The following SHISA6 variants were observed in gnomAD, a reference collection of about 807,000 sequenced individuals.
The protein encoded by SHISA6 is protein shisa-6.
In SHISA6, 22 loss-of-function variants were observed where a neutral mutation model predicts 47.9. The ratio of observed to expected loss-of-function variants is 0.46; its 90% CI spans 0.33 to 0.66. The LOEUF is 0.66. SHISA6 is among the 30% of genes least tolerant of loss of function. SHISA6 has a pLI of 0.02. For synonymous variants in SHISA6, 388 were observed against 337.8 expected (o/e 1.15, Z -1.63); for missense variants, 680 against 764.6 (o/e 0.89, Z 1.30).
chr17:11,370,485 C>G (rs374034464), intron 2 of SHISA6, among the ~76,000 whole-genome samples: 1 of 152,084 alleles, frequency 6.6e-6, no homozygotes, highest in Non-Finnish European at 1.5e-5. Flanking sequence ...AAATCCAAAC[C>G]AACAAAATGA....
At chr17:11,507,614 C>A (rs1215252460) in intron 3 of SHISA6, among the ~76,000 whole-genome samples, 2 of 152,158 alleles carry the variant, frequency 1.3e-5, no homozygotes, top group Non-Finnish European at 2.9e-5. Context: ...ATGATGCTTT[C>A]CTACAGTCCA....
intron 2 of SHISA6, among the ~76,000 whole-genome samples, chr17:11,358,080 G>T (rs2142226771): frequency 6.6e-6 from 1 of 152,220 alleles, no homozygotes; most frequent in South Asian, 2.1e-4. Context: ...CCATTTTTAA[G>T]TATACAGTTT....
intron 1 of SHISA6, among the ~76,000 whole-genome samples, chr17:11,251,964 G>T (rs746393976): frequency 1.8e-4 from 27 of 152,146 alleles, no homozygotes; most frequent in Non-Finnish European, 3.1e-4. Context: ...CTTGCCAGGG[G>T]CACCTGAGCA....
At chr17:11,261,343 G>A (rs1122642) in intron 1 of SHISA6, among the ~76,000 whole-genome samples, 116,183 of 152,208 alleles carry the variant, frequency 0.76, 48,720 homozygotes, top group Non-Finnish European at 0.92. Flanking sequence ...CTGTCAGGCA[G>A]CCCTTGTTTG....
chr17:11,321,071 A>G (rs1304629266), intron 2 of SHISA6, among the ~76,000 whole-genome samples: 1 of 152,224 alleles, frequency 6.6e-6, no homozygotes, highest in Admixed American at 6.5e-5. Context: ...TCACCAAATA[A>G]GAGGGATGAA....
rs114665082 is a variant in SHISA6 at position 11,545,199 on chromosome 17, A to C, written c.896-6697A>C. ...ACATCCATACCATGGAATATTCACTACTCAGCAATAAAAAGCAATGAACCA... is the reference window on the plus strand; with the variant it reads ...ACATCCATACCATGGAATATTCACTCCTCAGCAATAAAAAGCAATGAACCA... On this transcript the variant is annotated intron_variant, in intron 3 of 5. Transcript: ENST00000441885. Among the ~76,000 whole-genome samples, 403 of 152,122 alleles carry C rather than the reference A, an allele frequency of 2.6e-3. 2 individuals are homozygous for C. Among genetic ancestry groups the C allele is most frequent in the African/African-American group, 9.1e-3 (377 of 41,498 alleles).
intron 3 of SHISA6, among the ~76,000 whole-genome samples, chr17:11,519,450 G>T (rs2071610868): frequency 6.6e-6 from 1 of 152,170 alleles, no homozygotes; most frequent in African/African-American, 2.4e-5. Flanking sequence ...ACTTCGTGGA[G>T]AGAGAAAATA....
Position 11,273,916 on chromosome 17 carries a change from G to T in SHISA6, c.799+10390G>T, listed in dbSNP as rs79099237. Among the ~76,000 whole-genome samples the T allele has an allele frequency of 9.2e-5, 14 of 152,180 alleles. 1 individual carries two copies. Among genetic ancestry groups the T allele is most frequent in the South Asian group, 6.2e-4 (3 of 4,828 alleles). On this transcript the variant is annotated intron_variant, in intron 2 of 5. Transcript: ENST00000441885. ...TGCCAGGCTTGTCCTGCGAGGAAGC[G>T]CATCATTTTATGCCATTCAGGAAGG... is the stretch of plus-strand genomic sequence containing the variant.
intron 3 of SHISA6, among the ~76,000 whole-genome samples, chr17:11,381,185 C>T (rs554502518): frequency 1.3e-5 from 2 of 152,262 alleles, no homozygotes; most frequent in African/African-American, 4.8e-5. Flanking sequence ...AGGGAGGTTT[C>T]TCCACTGCAG....
At chr17:11,479,837 G>T (rs978118185) in intron 3 of SHISA6, among the ~76,000 whole-genome samples, 10 of 151,634 alleles carry the variant, frequency 6.6e-5, no homozygotes, top group African/African-American at 1.7e-4. Flanking sequence ...AAAAATATGA[G>T]AAATAAGAGT....
At chr17:11,461,396 C>CA (rs778616587) in intron 3 of SHISA6, among the ~76,000 whole-genome samples, 1,554 of 74,724 alleles carry the variant, frequency 0.021, 21 homozygotes, top group East Asian at 0.068. Context: ...GACTCCATCT[C>CA]AAAAAAAAAA....
At chr17:11,277,416 A>G (rs1908964938) in intron 2 of SHISA6, among the ~76,000 whole-genome samples, 1 of 151,998 alleles carries the variant, frequency 6.6e-6, no homozygotes, top group South Asian at 2.1e-4. Context: ...ATCAATAATG[A>G]TGCATTGGAC....
chr17:11,485,620 C>T lies in SHISA6; in HGVS notation c.896-66276C>T, dbSNP rs185054630. The stretch of plus-strand genomic sequence containing the variant: ...TGAGTGAGCCTCTTTCTCTGCAAAA[C>T]GAGTTTTCACACAATTGTTACAATC... On this transcript the variant is annotated intron_variant, in intron 3 of 5. Transcript: ENST00000441885. 2.0e-4 allele frequency among the ~76,000 whole-genome samples: 31 copies of T among 152,148 alleles called. No homozygotes were observed. In the East Asian group the frequency reaches 5.0e-3, roughly 25 times the overall value.
At chr17:11,277,280 T>TCTCTCTCTCCCACACACACA (rs1386997909) in intron 2 of SHISA6, among the ~76,000 whole-genome samples, 1 of 53,864 alleles carries the variant, frequency 1.9e-5, no homozygotes, top group Non-Finnish European at 3.4e-5. Context: ...TCTCTCTCTC[T>TCTCTCTCTCCCACACACACA]CACACACACA....
In SHISA6 at chr17:11,379,570, T is replaced by A. The variant is rs575980971; in HGVS notation, c.895+61T>A. On this transcript the variant is annotated intron_variant, in intron 3 of 5. Coordinates refer to ENST00000441885, the MANE Select transcript of SHISA6 (RefSeq NM_207386.4). ...GTTGCCTAGGGAACGCCATCTGAAA[T>A]GAGAAGATGGTGTGGAGGCCAGAGG... The A allele has an allele frequency of 7.6e-4, 910 of 1,195,280 alleles. 1 individual carries two copies. Among genetic ancestry groups the A allele is most frequent in the Non-Finnish European group, 1.0e-3 (871 of 843,268 alleles). The allele number at this position is 1,195,280 out of a possible 1,614,324, so 74.0% of individuals were successfully genotyped here. A position where few individuals can be genotyped will look rare whatever the true frequency, so the allele number is the denominator to read the frequency against.
intron 2 of SHISA6, among the ~76,000 whole-genome samples, chr17:11,325,221 T>A (rs1036998921): frequency 1.3e-5 from 2 of 152,192 alleles, no homozygotes; most frequent in African/African-American, 4.8e-5. Flanking sequence ...TGCTGGCCTC[T>A]GTGTTTCAGT....
At chr17:11,356,410 A>G (rs2142225275) in intron 2 of SHISA6, among the ~76,000 whole-genome samples, 1 of 152,324 alleles carries the variant, frequency 6.6e-6, no homozygotes, top group Non-Finnish European at 1.5e-5. Context: ...GCTGTTTAGC[A>G]GATGCAATTA....
In SHISA6 at chr17:11,241,353, T is replaced by C; in HGVS notation, c.-70T>C. ...CCAGCCCGGCCCGCGCGGCGGGTCC[T>C]CCGAGCCCGGCCCGCCGGGGGAGCG... is the stretch of plus-strand genomic sequence containing the variant. On this transcript the variant is annotated 5_prime_UTR_variant, in exon 1 of 6. Coordinates refer to ENST00000441885, the MANE Select transcript of SHISA6 (RefSeq NM_207386.4). This position sits in a 1 kb window ranked among gnomAD's most constrained non-coding sequence, Gnocchi z 5.5. 11 of 967,072 alleles carry C rather than the reference T, an allele frequency of 1.1e-5. No homozygotes were observed. Among genetic ancestry groups the C allele is most frequent in the Non-Finnish European group, 1.4e-5 (11 of 810,712 alleles). 59.9% of individuals were successfully genotyped at this position (967,072 alleles called of 1,614,324 possible).
intron 3 of SHISA6, among the ~76,000 whole-genome samples, chr17:11,503,522 C>T (rs1380703594): frequency 6.6e-6 from 1 of 152,152 alleles, no homozygotes; most frequent in African/African-American, 2.4e-5. Context: ...CTGACTCCTG[C>T]TGGTTGTTCC....
Sources: gnomAD v4.1 joint callset for allele counts (sites outside exome capture counted in the v4.1 genomes callset) on GRCh38, gnomAD v4.1.1 for gene constraint, Gnocchi (gnomAD v3.1) non-coding constraint, MANE v1.5 for transcripts, NCBI Gene and HGNC (gene_info 2026-07-23, HGNC 2026-07-21) for gene names.